The following RAB27B variants were observed in gnomAD, a reference collection of about 807,000 sequenced individuals.
RAB27B encodes RAB27B, member RAS oncogene family, also known as ras-related protein Rab-27B.
Under a neutral mutation model 24.6 loss-of-function variants are expected in RAB27B, and 15 were observed. That is an observed-to-expected ratio of 0.61 (90% CI 0.41 to 0.94). RAB27B has a LOEUF of 0.94. Among genes scored for constraint, RAB27B ranks in the 40% least tolerant of loss-of-function variants. RAB27B has a pLI of 0.00. For synonymous variants in RAB27B, 105 were observed against 92.5 expected, an observed-to-expected ratio of 1.14 and a Z score of -0.78; for missense variants, 261 against 266.8, an observed-to-expected ratio of 0.98 and a Z score of 0.15.
intron 2 of RAB27B, among the ~76,000 whole-genome samples, chr18:54,724,005 G>T (rs938361879): frequency 7.0e-6 from 1 of 143,844 alleles, no homozygotes; most frequent in East Asian, 1.9e-4. Context: ...TGGCATAGTG[G>T]CCAAAATGTG....
At chr18:54,837,983 A>G (rs1462123022) in intron 1 of RAB27B, among the ~76,000 whole-genome samples, 1 of 152,158 alleles carries the variant, frequency 6.6e-6, no homozygotes, top group Admixed American at 6.5e-5. Flanking sequence ...TTCTAGTACT[A>G]GAGATTGGGA....
chr18:54,850,343 T>TAG (rs1911518528), intron 1 of RAB27B, among the ~76,000 whole-genome samples: 1 of 134,424 alleles, frequency 7.4e-6, no homozygotes, highest in African/African-American at 2.9e-5. Context: ...GATATATATA[T>TAG]ATATATATAT....
chr18:54,828,337 A>G (rs899044731), upstream of RAB27B: 34 of 152,328 alleles, frequency 2.2e-4, no homozygotes, highest in African/African-American at 7.9e-4. Flanking sequence ...TCACTGCAGC[A>G]GTTGAGTCAC....
chr18:54,877,513 G>T, intron 1 of RAB27B, 54 bp from the exon 2 acceptor site: 1 of 1,269,560 alleles, frequency 7.9e-7, no homozygotes, highest in Non-Finnish European at 1.0e-6. Context: ...TTGATATAAA[G>T]CAAAGGAAAA....
chr18:54,737,843 A>G (rs1159196277), intron 2 of RAB27B, among the ~76,000 whole-genome samples: 4 of 152,228 alleles, frequency 2.6e-5, no homozygotes, highest in African/African-American at 9.6e-5. Flanking sequence ...GAATATCAAT[A>G]TAATCATTTA....
intron 1 of RAB27B, among the ~76,000 whole-genome samples, chr18:54,836,789 T>G (rs1190801924): frequency 6.6e-6 from 1 of 151,902 alleles, no homozygotes; most frequent in Non-Finnish European, 1.5e-5. Flanking sequence ...GCATAGTCAC[T>G]TGATCCAAAA....
chr18:54,893,450 G>T lies in RAB27B; in HGVS notation c.*4037G>T, dbSNP rs932172573. 1.3e-5 allele frequency: 2 copies of T among 151,940 alleles called. No homozygotes were observed. Among genetic ancestry groups the T allele is most frequent in the East Asian group, 3.9e-4 (2 of 5,184 alleles). The allele number at this position is 151,940 out of a possible 1,614,324, so 9.4% of individuals were successfully genotyped here. A position where few individuals can be genotyped will look rare whatever the true frequency, so the allele number is the denominator to read the frequency against. On this transcript the variant is annotated 3_prime_UTR_variant, in exon 6 of 6. Transcript: ENST00000262094. The stretch of plus-strand genomic sequence containing the variant: ...GTCTAGTGTATTTGAATATTTTAGA[G>T]AAAGCTTTATCATTTTTTAAGATGC...
intron 2 of RAB27B, among the ~76,000 whole-genome samples, chr18:54,804,772 C>G (rs1424014711): frequency 2.6e-5 from 4 of 152,020 alleles, no homozygotes; most frequent in Admixed American, 2.0e-4. Flanking sequence ...AATGGGATCT[C>G]TGGGTGAGGT....
intron 1 of RAB27B, among the ~76,000 whole-genome samples, chr18:54,849,789 T>C (rs1222785443): frequency 6.6e-6 from 1 of 152,090 alleles, no homozygotes; most frequent in Non-Finnish European, 1.5e-5. Flanking sequence ...AAATAGACTT[T>C]AGAAAAAACC....
intron 2 of RAB27B, among the ~76,000 whole-genome samples, chr18:54,781,676 T>C (rs138587236): frequency 2.6e-4 from 40 of 152,340 alleles, no homozygotes; most frequent in African/African-American, 6.7e-4. Context: ...CCCAGTATGC[T>C]GTCCACAGGC....
chr18:54,756,138 A>G (rs1194199537), intron 2 of RAB27B, among the ~76,000 whole-genome samples: 1 of 152,248 alleles, frequency 6.6e-6, no homozygotes, highest in Admixed American at 6.5e-5. Flanking sequence ...GTATGAGGTG[A>G]TAATTGATTT....
chr18:54,744,545 G>A (rs892648004), intron 2 of RAB27B, among the ~76,000 whole-genome samples: 4 of 152,064 alleles, frequency 2.6e-5, no homozygotes, highest in African/African-American at 9.7e-5. Context: ...ACAAATGTTT[G>A]GGGTAATGGA....
At chr18:54,860,129 G>C (rs981531239) in intron 1 of RAB27B, among the ~76,000 whole-genome samples, 1 of 152,138 alleles carries the variant, frequency 6.6e-6, no homozygotes, top group Non-Finnish European at 1.5e-5. Context: ...CATATCAAGA[G>C]TAGAGAGGAA....
chr18:54,767,038 GTGAT>G (rs1302025254), intron 2 of RAB27B, among the ~76,000 whole-genome samples: 5 of 152,156 alleles, frequency 3.3e-5, no homozygotes, highest in African/African-American at 1.2e-4. Context: ...CACTAAGTTT[GTGAT>G]TGATCACAAA....
intron 2 of RAB27B, among the ~76,000 whole-genome samples, chr18:54,819,967 G>T (rs150811180): frequency 5.3e-5 from 8 of 152,066 alleles, no homozygotes; most frequent in Non-Finnish European, 8.8e-5. Context: ...TTTTTTGGCT[G>T]CATAGTATTC....
intron 1 of RAB27B, among the ~76,000 whole-genome samples, chr18:54,859,760 CTA>C (rs1911939156): frequency 6.6e-6 from 1 of 152,164 alleles, no homozygotes; most frequent in Non-Finnish European, 1.5e-5. Context: ...TCGGAAAACA[CTA>C]GGTGAGTTTG....
intron 2 of RAB27B, among the ~76,000 whole-genome samples, chr18:54,765,475 C>T (rs1371481414): frequency 6.6e-6 from 1 of 152,162 alleles, no homozygotes; most frequent in Non-Finnish European, 1.5e-5. Context: ...CATTGGTCAA[C>T]CTTGTGCCAG....
intron 2 of RAB27B, among the ~76,000 whole-genome samples, chr18:54,780,963 A>G (rs150183461): frequency 5.5e-4 from 84 of 152,314 alleles, no homozygotes; most frequent in African/African-American, 1.9e-3. Context: ...CCATGGTTAT[A>G]CCAATGCCTG....
At position 54,819,548 on chromosome 18, in the gene RAB27B, G is replaced by A. The variant is rs12960375; in HGVS notation, c.-19-58019G>A. On this transcript the variant is annotated intron_variant, in intron 2 of 4. Coordinates refer to the RAB27B transcript ENST00000586570. ...CTCCATCTCAAAAAAAAAAAAAAAA[G>A]AAAAAAAAAAGAATAGATCATGTTC... 8.0e-3 allele frequency among the ~76,000 whole-genome samples: 953 copies of A among 119,458 alleles called. 2 individuals carry two copies. The highest frequency in any genetic ancestry group is 0.024 in the African/African-American group (819 of 34,098). The allele number at this position is 119,458 out of a possible 152,430, so 78.4% of individuals were successfully genotyped here. A position where few individuals can be genotyped will look rare whatever the true frequency, so the allele number is the denominator to read the frequency against.
Sources: allele counts gnomAD v4.1 joint callset (sites outside exome capture counted in the v4.1 genomes callset), GRCh38; gene constraint gnomAD v4.1.1; transcripts MANE v1.5; gene names NCBI Gene and HGNC (gene_info 2026-07-23, HGNC 2026-07-21).